The following CDK19 variants were observed in gnomAD, a reference collection of about 807,000 sequenced individuals.
CDK19 encodes the protein cyclin dependent kinase 19, also known as cyclin-dependent kinase 19.
CDK19 carries 20 observed loss-of-function variants against 68.3 expected under a neutral mutation model. The observed-to-expected ratio is 0.29, with a 90% CI of 0.21 to 0.43. CDK19 has a LOEUF of 0.43. Ranked by LOEUF, CDK19 falls within the 20% of genes least tolerant of loss-of-function variation. The pLI is 1.00. For synonymous variants in CDK19, 221 were observed against 222.8 expected (o/e 0.99, Z 0.07); for missense variants, 339 against 623.5 (o/e 0.54, Z 4.86).
At chr6:110,709,100 G>A (rs539900289) in intron 2 of CDK19, among the ~76,000 whole-genome samples, 8 of 152,284 alleles carry the variant, frequency 5.3e-5, no homozygotes, top group African/African-American at 1.9e-4. Context: ...CTCAATAGAT[G>A]CAGAAAAGGC....
In CDK19 at chr6:110,610,779, A is replaced by C. The variant is rs1370095739; in HGVS notation, c.*3756T>G. ...GTAATTTCCATAGAATTCTTCCTTCATTGTATAGTTTCTGCTGCATAAATT... is the reference window on the plus strand; with the variant it reads ...GTAATTTCCATAGAATTCTTCCTTCCTTGTATAGTTTCTGCTGCATAAATT... On this transcript the variant is annotated 3_prime_UTR_variant, in exon 13 of 13. Transcript: ENST00000368911. The C allele has an allele frequency of 2.0e-5, 3 of 152,150 alleles. No homozygotes were observed. Among genetic ancestry groups the C allele is most frequent in the Non-Finnish European group, 2.9e-5 (2 of 68,018 alleles). The allele number at this position is 152,150 out of a possible 1,614,324, so 9.4% of individuals were successfully genotyped here.
chr6:110,648,167 T>C (rs1424811000), intron 4 of CDK19, among the ~76,000 whole-genome samples: 1 of 152,194 alleles, frequency 6.6e-6, no homozygotes, highest in Non-Finnish European at 1.5e-5. Flanking sequence ...GGATGCCTAC[T>C]ATCACCACTT....
intron 4 of CDK19, among the ~76,000 whole-genome samples, chr6:110,655,479 T>C (rs528061583): frequency 1.3e-5 from 2 of 152,250 alleles, no homozygotes; most frequent in Non-Finnish European, 2.9e-5. Flanking sequence ...ACAGTAGCCA[T>C]TACCACAGTC....
In CDK19 at chr6:110,632,094, A is replaced by G. The variant is rs1167882682; in HGVS notation, c.582T>C (p.Val194=). The G allele has an allele frequency of 6.2e-7, 1 of 1,614,024 alleles. No individual in the cohort carries two copies. Among genetic ancestry groups the G allele is most frequent in the South Asian group, 1.1e-5 (1 of 91,054 alleles). ...LKPLADLDPV[V]VTFWYRAPEL... Reference sequence around the variant, plus strand: ...CTGGAGCCCGATACCAAAATGTCACAACTACTGGATCCAAATCTGCTAGTG... The same window carrying G: ...CTGGAGCCCGATACCAAAATGTCACGACTACTGGATCCAAATCTGCTAGTG... The change falls in exon 6 of 13, where the codon GTT becomes GTC. Residue 194 remains valine (V), a synonymous_variant. Coordinates refer to ENST00000368911, the MANE Select transcript of CDK19 (RefSeq NM_015076.5).
At chr6:110,719,919 C>T (rs1268948551) in intron 2 of CDK19, among the ~76,000 whole-genome samples, 6 of 148,998 alleles carry the variant, frequency 4.0e-5, no homozygotes, top group South Asian at 2.1e-4. Context: ...TTAGTAGAGA[C>T]GGCGTTTCAC....
intron 1 of CDK19, among the ~76,000 whole-genome samples, chr6:110,783,081 C>A (rs953146935): frequency 6.6e-6 from 1 of 152,154 alleles, no homozygotes; most frequent in African/African-American, 2.4e-5. Context: ...ATACTAAATT[C>A]TTTCCTTCTG....
At chr6:110,768,191 C>A (rs1156379096) in intron 1 of CDK19, among the ~76,000 whole-genome samples, 1 of 152,176 alleles carries the variant, frequency 6.6e-6, no homozygotes, top group Non-Finnish European at 1.5e-5. Context: ...TTAAAACACA[C>A]CACTGTACAC....
In CDK19 at chr6:110,815,193, C is replaced by G. The variant is rs550098160; in HGVS notation, c.-57G>C. ...GGGGGCCGCCGCCGCTCAGTCCCTC[C>G]TCCTCCTCCCCCCGCGACCGCCGCT... On this transcript the variant is annotated 5_prime_UTR_variant, in exon 1 of 13. Coordinates refer to ENST00000368911, the MANE Select transcript of CDK19 (RefSeq NM_015076.5). The G allele has an allele frequency of 6.7e-7, 1 of 1,493,624 alleles. No homozygotes were observed. Among genetic ancestry groups the G allele is most frequent in the Admixed American group, 2.2e-5 (1 of 46,376 alleles). The allele number at this position is 1,493,624 out of a possible 1,614,324, so 92.5% of individuals were successfully genotyped here. A position where few individuals can be genotyped will look rare whatever the true frequency, so the allele number is the denominator to read the frequency against.
intron 1 of CDK19, chr6:110,814,603 G>A: frequency 2.2e-6 from 1 of 463,632 alleles, no homozygotes. Flanking sequence ...CCGATTGGAA[G>A]TTCCACAACG....
intron 2 of CDK19, among the ~76,000 whole-genome samples, chr6:110,671,863 C>T (rs751640205): frequency 1.3e-5 from 2 of 152,062 alleles, no homozygotes; most frequent in Non-Finnish European, 2.9e-5. Flanking sequence ...CTGCAACCTC[C>T]GCCTCCAAGG....
chr6:110,635,920 C>T (rs1231407468), intron 5 of CDK19, among the ~76,000 whole-genome samples: 5 of 152,156 alleles, frequency 3.3e-5, no homozygotes. Flanking sequence ...GTTTAAAAAA[C>T]AATAGTGGCT....
intron 1 of CDK19, among the ~76,000 whole-genome samples, chr6:110,768,765 G>A (rs1254626485): frequency 6.6e-6 from 1 of 152,106 alleles, no homozygotes; most frequent in African/African-American, 2.4e-5. Flanking sequence ...GATGTTTAGG[G>A]CAGTGAGCTA....
At chr6:110,722,969 T>G (rs1462123418) in intron 2 of CDK19, among the ~76,000 whole-genome samples, 2 of 152,056 alleles carry the variant, frequency 1.3e-5, no homozygotes, top group African/African-American at 4.8e-5. Context: ...ACAGAATGTC[T>G]TTTCTAAAGA....
rs1261533695 is a variant in CDK19 at position 110,621,704 on chromosome 6, A to G, written c.1111-334T>C. ...AAAACAGCTAGAAGAAATCTTTTCA[A>G]TCGTGATTCTGGAAAGGCAGAGCGG... On this transcript the variant is annotated intron_variant, in intron 11 of 12. Coordinates refer to ENST00000368911, the MANE Select transcript of CDK19 (RefSeq NM_015076.5). This position sits in a 1 kb window ranked among gnomAD's most constrained non-coding sequence, Gnocchi z 5.4. Among the ~76,000 whole-genome samples, 5 of 152,268 alleles carry G rather than the reference A, an allele frequency of 3.3e-5. No individual in the cohort carries two copies. Among genetic ancestry groups the G allele is most frequent in the African/African-American group, 1.2e-4 (5 of 41,466 alleles).
chr6:110,728,483 G>A (rs1776510607), intron 2 of CDK19, among the ~76,000 whole-genome samples: 1 of 151,238 alleles, frequency 6.6e-6, no homozygotes, highest in Non-Finnish European at 1.5e-5. Flanking sequence ...ATCTTCCCTA[G>A]TCTGATTGCT....
Position 110,744,182 on chromosome 6 carries a change from T to C in CDK19, c.204+1944A>G, listed in dbSNP as rs1777905514. On this transcript the variant is annotated intron_variant, in intron 2 of 12. Transcript: ENST00000368911. ...CCACCACACCCAGCTAATTTTTGTA[T>C]TTTCAGTAGAGGTGGGATTTCCCCA... Among the ~76,000 whole-genome samples the C allele has an allele frequency of 2.0e-5, 3 of 151,874 alleles. No individual in the cohort carries two copies. In the South Asian group the frequency reaches 6.2e-4, roughly 32 times the overall value.
At chr6:110,811,721 G>C (rs1034575581) in intron 1 of CDK19, among the ~76,000 whole-genome samples, 3 of 151,968 alleles carry the variant, frequency 2.0e-5, no homozygotes, top group African/African-American at 7.3e-5. Flanking sequence ...GAAATATTCT[G>C]AACTTGTTTC....
At chr6:110,769,571 AAAAAAAAATAAT>A (rs1779854629) in intron 1 of CDK19, among the ~76,000 whole-genome samples, 1 of 143,916 alleles carries the variant, frequency 6.9e-6, no homozygotes, top group Non-Finnish European at 1.5e-5. Flanking sequence ...TCTCAAAAAA[AAAAAAAAATAAT>A]AATAATAATA....
At chr6:110,695,630 G>A (rs1372328807) in intron 2 of CDK19, among the ~76,000 whole-genome samples, 10 of 151,808 alleles carry the variant, frequency 6.6e-5, no homozygotes, top group Admixed American at 1.3e-4. Flanking sequence ...AGAGAAGATC[G>A]AAATAAGCTC....
Sources: allele counts gnomAD v4.1 joint callset (sites outside exome capture counted in the v4.1 genomes callset), GRCh38; gene constraint gnomAD v4.1.1; non-coding constraint Gnocchi (gnomAD v3.1); transcripts MANE v1.5; gene names NCBI Gene and HGNC (gene_info 2026-07-23, HGNC 2026-07-21).